Variants in UNC80 observed in about 807,000 individuals in gnomAD.
The protein encoded by UNC80 is unc-80 subunit of NALCN channel complex.
UNC80 carries 164 observed loss-of-function variants against 384.6 expected under a neutral mutation model. The observed-to-expected ratio is 0.43, with a 90% CI of 0.38 to 0.49. The LOEUF (loss-of-function observed/expected upper bound fraction) is 0.49. Ranked by LOEUF, UNC80 falls within the 20% of genes least tolerant of loss-of-function variation. UNC80 has a pLI of 0.00. For synonymous variants in UNC80, 1,486 were observed against 1,527.8 expected (o/e 0.97, Z 0.64); for missense variants, 3,330 against 4,143.0 (o/e 0.80, Z 5.39).
At position 209,982,305 on chromosome 2, in the gene UNC80, T is replaced by C. The variant is rs2093176453; in HGVS notation, c.9245T>C (p.Leu3082Pro). Residue 3082 changes from leucine to proline, a missense_variant, in exon 60 of 65, where the codon CTA (leucine) becomes CCA (proline). Physicochemically the swap from Leu to Pro is moderately conservative, Grantham distance 98. Coordinates refer to ENST00000673920, the MANE Select transcript of UNC80 (RefSeq NM_001371986.1). ...MSVPQAEVGM[L>P]PSQSEPNVLD... is the part of the protein sequence containing the mutation. ...GTACCTCAGGCTGAGGTGGGCATGC[T>C]ACCCAGCCAGAGGTAAACAGCTATG... 6.4e-7 allele frequency: 1 copy of C among 1,551,196 alleles called. No individual in the cohort carries two copies. The highest frequency in any genetic ancestry group is 8.7e-7 in the Non-Finnish European group (1 of 1,146,790).
chr2:209,993,432 G>A lies in UNC80; in HGVS notation c.9508+6G>A. Reference sequence around the variant, plus strand: ...ACCTAAAACGAAGCCGTCTGGTGAGGCCTCCTGTGTCCCTTCTGACTATAC... The same window carrying A: ...ACCTAAAACGAAGCCGTCTGGTGAGACCTCCTGTGTCCCTTCTGACTATAC... On this transcript the variant is annotated splice_donor_region_variant and intron_variant, in intron 63 of 64. Coordinates refer to ENST00000673920, the MANE Select transcript of UNC80 (RefSeq NM_001371986.1). The A allele has an allele frequency of 4.5e-6, 7 of 1,550,694 alleles. No individual in the cohort carries two copies. The highest frequency in any genetic ancestry group is 6.1e-6 in the Non-Finnish European group (7 of 1,146,206).
intron 13 of UNC80, among the ~76,000 whole-genome samples, chr2:209,824,394 T>G (rs1373759649): frequency 6.6e-6 from 1 of 152,108 alleles, no homozygotes; most frequent in Non-Finnish European, 1.5e-5. Context: ...TGAACTGCAG[T>G]GTAGTTGTAA....
intron 26 of UNC80, among the ~76,000 whole-genome samples, chr2:209,892,487 A>C (rs1031984146): frequency 1.3e-5 from 2 of 152,102 alleles, no homozygotes; most frequent in African/African-American, 4.8e-5. Context: ...CTGAACTGTA[A>C]TTTTTCAGTG....
chr2:209,992,020 C>A, intron 61 of UNC80, 146 bp from the exon 62 acceptor site: 1 of 551,780 alleles, frequency 1.8e-6, no homozygotes, highest in Non-Finnish European at 3.0e-6. Context: ...TGAAAACACC[C>A]ATCCCAGGGA....
intron 22 of UNC80, among the ~76,000 whole-genome samples, chr2:209,864,679 T>A (rs2083584062): frequency 6.6e-6 from 1 of 152,170 alleles, no homozygotes; most frequent in Admixed American, 6.5e-5. Context: ...GTGGGGGACT[T>A]GTCTTGGGAC....
chr2:209,899,238 T>A (rs2087123179), intron 28 of UNC80, among the ~76,000 whole-genome samples: 1 of 152,328 alleles, frequency 6.6e-6, no homozygotes, highest in South Asian at 2.1e-4. Flanking sequence ...GGTAGATACA[T>A]GTCATTATAC....
At position 209,995,501 on chromosome 2, in the gene UNC80, A is replaced by G. The variant is rs2125036261; in HGVS notation, c.9881A>G (p.Asn3294Ser). 5 of 1,551,852 alleles carry G rather than the reference A, an allele frequency of 3.2e-6. No homozygotes were observed. The highest frequency in any genetic ancestry group is 4.4e-6 in the Non-Finnish European group (5 of 1,147,042). Residue 3294 changes from asparagine (N) to serine (S), a missense_variant, in exon 65 of 65, where the codon AAT becomes AGT. Around this residue, in one of 8 missense-constraint regions of UNC80, gnomAD observed 236 missense variants for 254.9 expected, o/e 0.93. Transcript: ENST00000673920. The part of the protein sequence containing the change: ...GDTVLHISEE[N>S]GMENPLLSSQ... ...ACTGTCCTTCATATCAGTGAGGAAA[A>G]TGGCATGGAGAACCCGCTACTATCT...
chr2:209,808,213 A>G (rs962726275), intron 7 of UNC80, among the ~76,000 whole-genome samples: 2 of 152,212 alleles, frequency 1.3e-5, no homozygotes, highest in African/African-American at 4.8e-5. Context: ...TGTTGCCCTC[A>G]GGGACAACAC....
chr2:209,830,177 A>G (rs1162349559), intron 15 of UNC80, among the ~76,000 whole-genome samples: 1 of 152,220 alleles, frequency 6.6e-6, no homozygotes, highest in East Asian at 1.9e-4. Flanking sequence ...ATCACAGTTG[A>G]TTAGTTTATA....
chr2:209,815,306 C>A lies in UNC80; in HGVS notation c.1250C>A (p.Ala417Asp), dbSNP rs1458039335. The A allele has an allele frequency of 1.3e-6, 2 of 1,551,602 alleles. No individual in the cohort carries two copies. Among genetic ancestry groups the A allele is most frequent in the South Asian group, 2.4e-5 (2 of 84,058 alleles). Reference sequence around the variant, plus strand: ...GAGGAAAAATCTCTTAGCTCTGAGGCCTTTTCCAAGGTTTCACTGACCAAT... The same window carrying A: ...GAGGAAAAATCTCTTAGCTCTGAGGACTTTTCCAAGGTTTCACTGACCAAT... ...NEEEKSLSSE[A>D]FSKVSLTNLR... Residue 417 changes from alanine (A) to aspartate (D), a missense_variant, in exon 9 of 65, where the codon GCC becomes GAC. This residue lies in a region of UNC80 where 937 missense variants were observed against 1,026.8 expected (regional missense o/e 0.91). Coordinates refer to ENST00000673920, the MANE Select transcript of UNC80 (RefSeq NM_001371986.1).
Position 209,849,548 on chromosome 2 carries a change from C to T in UNC80, c.3552C>T (p.Arg1184=), listed in dbSNP as rs2082378265. 1 of 1,551,000 alleles carries T rather than the reference C, an allele frequency of 6.4e-7. No individual in the cohort carries two copies. Among genetic ancestry groups the T allele is most frequent in the African/African-American group, 1.4e-5 (1 of 73,080 alleles). Residue 1184 remains arginine (R), a synonymous_variant, in exon 22 of 65, where the codon CGC becomes CGT. Transcript: ENST00000673920. ...GAGCAATCCGACAAGGCATGAAACG[C>T]TTCCAATTTCTGTTAAACTGCTGTG... The part of the protein sequence containing the change: ...NLGAIRQGMK[R]FQFLLNCCEP...
At chr2:209,809,180 TG>T in intron 7 of UNC80, 1 of 644,114 alleles carries the variant, frequency 1.6e-6, no homozygotes, top group Non-Finnish European at 2.8e-6. Context: ...TTCCCAGGCT[TG>T]GGCCAAGTGT....
intron 49 of UNC80, 93 bp from the exon 50 acceptor site, chr2:209,959,026 A>C: frequency 9.7e-7 from 1 of 1,028,644 alleles, no homozygotes; most frequent in Non-Finnish European, 1.5e-6. Context: ...GTATAGCTTC[A>C]AGGGCTTTTC....
rs1008380388 is a variant in UNC80 at position 209,997,891 on chromosome 2, C to G, written c.*2296C>G. 6.6e-6 allele frequency: 1 copy of G among 151,952 alleles called. No individual in the cohort carries two copies. Among genetic ancestry groups the G allele is most frequent in the African/African-American group, 2.4e-5 (1 of 41,328 alleles). The allele number at this position is 151,952 out of a possible 1,614,324, so 9.4% of individuals were successfully genotyped here. On this transcript the variant is annotated 3_prime_UTR_variant, in exon 65 of 65. Transcript: ENST00000673920. ...AGTATCTATATGTATGTGCATAAAA[C>G]TGTCACAAGATGTATTCTCAGGAAT... is the stretch of plus-strand genomic sequence containing the variant.
intron 4 of UNC80, among the ~76,000 whole-genome samples, chr2:209,785,056 A>G (rs1439696858): frequency 1.3e-5 from 2 of 152,162 alleles, no homozygotes; most frequent in Non-Finnish European, 2.9e-5. Flanking sequence ...GAGAGTCATC[A>G]GGGGGATCTT....
intron 21 of UNC80, among the ~76,000 whole-genome samples, chr2:209,845,513 C>T (rs1397448791): frequency 3.3e-5 from 5 of 152,094 alleles, no homozygotes; most frequent in African/African-American, 4.8e-5. Context: ...GCCATTGCTT[C>T]GTATATTCTT....
intron 61 of UNC80, among the ~76,000 whole-genome samples, chr2:209,986,779 C>A (rs1057327197): frequency 6.6e-6 from 1 of 152,220 alleles, no homozygotes. Context: ...AGCACATCCA[C>A]CTTTGCCATA....
chr2:209,970,086 A>G, intron 53 of UNC80, 195 bp downstream of exon 53: 3 of 645,906 alleles, frequency 4.6e-6, no homozygotes, highest in Non-Finnish European at 7.6e-6. Context: ...CCATCCCTAC[A>G]CAGAAGGGAT....
intron 33 of UNC80, among the ~76,000 whole-genome samples, chr2:209,920,752 T>C (rs1421755567): frequency 2.0e-5 from 3 of 152,226 alleles, no homozygotes; most frequent in Non-Finnish European, 4.4e-5. Context: ...AACTGGCTTA[T>C]ATGAGAGATC....
Sources: gnomAD v4.1 joint callset for allele counts (sites outside exome capture counted in the v4.1 genomes callset) on GRCh38, gnomAD v4.1.1 for gene constraint, gnomAD v4.1.1 regional missense constraint, MANE v1.5 for transcripts, NCBI Gene and HGNC (gene_info 2026-07-23, HGNC 2026-07-21) for gene names.